Variants in HLCS observed in about 807,000 individuals in gnomAD.
HLCS encodes holocarboxylase synthetase.
Under a neutral mutation model 75.0 loss-of-function variants are expected in HLCS, and 53 were observed. The observed-to-expected ratio is 0.71, with a 90% CI of 0.57 to 0.89. HLCS has a LOEUF of 0.89. HLCS is among the 40% of genes least tolerant of loss of function. HLCS has a pLI of 0.00. For synonymous variants in HLCS, 431 were observed against 428.6 expected, an observed-to-expected ratio of 1.01 and a Z score of -0.07; for missense variants, 966 against 1,074.0, an observed-to-expected ratio of 0.90 and a Z score of 1.41.
intron 6 of HLCS, among the ~76,000 whole-genome samples, chr21:36,845,925 G>GA (rs1263312787): frequency 6.6e-6 from 1 of 152,012 alleles, no homozygotes; most frequent in East Asian, 1.9e-4. Flanking sequence ...TTTATATAGA[G>GA]AAAAAAACCA....
intron 5 of HLCS, among the ~76,000 whole-genome samples, chr21:36,915,527 C>A (rs762911397): frequency 6.6e-6 from 1 of 152,098 alleles, no homozygotes. Context: ...GAGAGGGGAG[C>A]GGCGTCCAAC....
At chr21:36,966,676 C>G (rs1048545878), upstream of HLCS, 55 of 947,484 alleles carry the variant, frequency 5.8e-5, no homozygotes, top group Non-Finnish European at 6.1e-5. Context: ...CCTTGCCCGC[C>G]CGCCCCAGCG....
At chr21:36,969,983 C>A (rs1004295497), upstream of HLCS, among the ~76,000 whole-genome samples, 2 of 152,168 alleles carry the variant, frequency 1.3e-5, no homozygotes, top group Non-Finnish European at 2.9e-5. Flanking sequence ...TCAACATGAC[C>A]GGCTTTCTAT....
chr21:36,786,357 A>G (rs2060687044), intron 6 of HLCS, among the ~76,000 whole-genome samples: 1 of 152,228 alleles, frequency 6.6e-6, no homozygotes, highest in East Asian at 1.9e-4. Context: ...CAAATAAGGA[A>G]GGGCTCCAAA....
chr21:36,862,448 A>G (rs1187058843), intron 6 of HLCS, among the ~76,000 whole-genome samples: 1 of 152,160 alleles, frequency 6.6e-6, no homozygotes, highest in Admixed American at 6.5e-5. Context: ...CCTTGCGAAT[A>G]CTTGTTACTG....
chr21:36,946,919 G>C (rs1367492084), intron 2 of HLCS, among the ~76,000 whole-genome samples: 1 of 152,164 alleles, frequency 6.6e-6, no homozygotes, highest in African/African-American at 2.4e-5. Flanking sequence ...AGAGTTCGTT[G>C]ATTTCAGCTT....
At chr21:36,947,679 T>C (rs1335655700) in intron 2 of HLCS, 1 of 985,244 alleles carries the variant, frequency 1.0e-6, no homozygotes, top group Non-Finnish European at 1.2e-6. Flanking sequence ...TGTTACAATG[T>C]ATGGCAGCAG....
At chr21:36,767,190 A>G in intron 7 of HLCS, 28 bp downstream of exon 7, 1 of 1,609,848 alleles carries the variant, frequency 6.2e-7, no homozygotes, top group Non-Finnish European at 8.5e-7. Flanking sequence ...AACAGAAGTA[A>G]CAGCAATGAT....
At chr21:36,837,815 C>T (rs2062466836) in intron 6 of HLCS, among the ~76,000 whole-genome samples, 1 of 152,096 alleles carries the variant, frequency 6.6e-6, no homozygotes, top group Non-Finnish European at 1.5e-5. Flanking sequence ...TCCAGCCCAG[C>T]CCCTGTTGAT....
chr21:36,935,096 C>T (rs1307542441), intron 4 of HLCS, among the ~76,000 whole-genome samples: 1 of 152,198 alleles, frequency 6.6e-6, no homozygotes, highest in Admixed American at 6.5e-5. Context: ...TAGTACAAGT[C>T]TGTGCTCAGG....
intron 6 of HLCS, among the ~76,000 whole-genome samples, chr21:36,808,145 T>G (rs1383949405): frequency 6.6e-6 from 1 of 152,204 alleles, no homozygotes; most frequent in African/African-American, 2.4e-5. Flanking sequence ...TTTTCTATGT[T>G]ACATGGGTGA....
chr21:36,961,703 C>A (rs901929172), intron 2 of HLCS, among the ~76,000 whole-genome samples: 1 of 152,070 alleles, frequency 6.6e-6, no homozygotes, highest in Admixed American at 6.6e-5. Context: ...CCTGTAATCC[C>A]AGCACTTTGG....
At chr21:36,966,842 C>T (rs948233799), upstream of HLCS, among the ~76,000 whole-genome samples, 1 of 146,626 alleles carries the variant, frequency 6.8e-6, no homozygotes, top group African/African-American at 2.5e-5. Flanking sequence ...AGGCCGCGCC[C>T]GGCTGTGTGA....
intron 5 of HLCS, among the ~76,000 whole-genome samples, chr21:36,920,794 T>C (rs2066131355): frequency 1.3e-5 from 2 of 152,154 alleles, no homozygotes; most frequent in Admixed American, 6.6e-5. Context: ...TTATAGACCT[T>C]TGACCTTTAA....
chr21:36,982,069 GT>G (rs796354954), intron 1 of HLCS, among the ~76,000 whole-genome samples: 22 of 149,032 alleles, frequency 1.5e-4, no homozygotes, highest in South Asian at 4.3e-4. Flanking sequence ...AGGTATGGTT[GT>G]TTTTTTTTTC....
intron 2 of HLCS, among the ~76,000 whole-genome samples, chr21:36,961,582 T>C (rs948420996): frequency 6.6e-6 from 1 of 151,762 alleles, no homozygotes; most frequent in Non-Finnish European, 1.5e-5. Flanking sequence ...CAGGTGAAAA[T>C]AATTTTACTA....
At chr21:36,884,836 T>G (rs1601621485) in intron 6 of HLCS, among the ~76,000 whole-genome samples, 1 of 152,170 alleles carries the variant, frequency 6.6e-6, no homozygotes, top group Admixed American at 6.5e-5. Flanking sequence ...AATGTAGTAA[T>G]GTCAGGTGCA....
intron 6 of HLCS, among the ~76,000 whole-genome samples, chr21:36,816,000 T>C (rs1281496388): frequency 6.6e-6 from 1 of 152,170 alleles, no homozygotes; most frequent in Non-Finnish European, 1.5e-5. Context: ...TCTAGTCAAA[T>C]GTGGACACTG....
At chr21:36,964,146 A>C (rs1317608829) in intron 1 of HLCS, among the ~76,000 whole-genome samples, 14 of 152,162 alleles carry the variant, frequency 9.2e-5, no homozygotes, top group African/African-American at 2.7e-4. Context: ...AATCACTTGA[A>C]CCTGGGAGGT....
Sources: allele counts gnomAD v4.1 joint callset (sites outside exome capture counted in the v4.1 genomes callset), GRCh38; gene constraint gnomAD v4.1.1; transcripts MANE v1.5; gene names NCBI Gene and HGNC (gene_info 2026-07-23, HGNC 2026-07-21).